The following TGFBR3 variants were observed in gnomAD, a reference collection of about 807,000 sequenced individuals.
The protein encoded by TGFBR3 is transforming growth factor beta receptor 3, also known as transforming growth factor beta receptor type 3.
Under a neutral mutation model 87.9 loss-of-function variants are expected in TGFBR3, and 46 were observed. The ratio of observed to expected loss-of-function variants is 0.52; its 90% CI spans 0.41 to 0.67. The LOEUF is 0.67. Ranked by LOEUF, TGFBR3 falls within the 30% of genes least tolerant of loss-of-function variation. TGFBR3 has a pLI of 0.00. For synonymous variants in TGFBR3, 381 were observed against 391.6 expected (o/e 0.97, Z 0.32); for missense variants, 866 against 1,041.9 (o/e 0.83, Z 2.32).
intron 2 of TGFBR3, among the ~76,000 whole-genome samples, chr1:91,839,153 T>G (rs189500507): frequency 4.6e-4 from 70 of 152,168 alleles, no homozygotes; most frequent in African/African-American, 1.7e-3. Flanking sequence ...AATGTTTTAG[T>G]TTTTCGTAGA....
chr1:91,854,263 C>T (rs765249181), intron 2 of TGFBR3, among the ~76,000 whole-genome samples: 8 of 152,122 alleles, frequency 5.3e-5, no homozygotes, highest in Admixed American at 1.3e-4. Context: ...CACTCACCTA[C>T]CCCTCTAGGA....
At chr1:91,784,380 AT>A (rs1047201452) in intron 3 of TGFBR3, among the ~76,000 whole-genome samples, 50 of 152,342 alleles carry the variant, frequency 3.3e-4, no homozygotes, top group African/African-American at 1.2e-3. Flanking sequence ...GTGCCATGCA[AT>A]AACCCAATTT....
chr1:91,788,007 A>C (rs574973123), intron 3 of TGFBR3, among the ~76,000 whole-genome samples: 1 of 152,080 alleles, frequency 6.6e-6, no homozygotes, highest in Non-Finnish European at 1.5e-5. Context: ...AAACAGATGG[A>C]ATGGTAGAAT....
chr1:91,793,225 C>T (rs4658270), intron 3 of TGFBR3, among the ~76,000 whole-genome samples: 36,695 of 152,122 alleles, frequency 0.24, 5,611 homozygotes, highest in Middle Eastern at 0.35. Flanking sequence ...AAAATCTCTC[C>T]CCAGCTGAAG....
At chr1:91,855,068 C>A (rs904034465) in intron 2 of TGFBR3, among the ~76,000 whole-genome samples, 2 of 152,148 alleles carry the variant, frequency 1.3e-5, no homozygotes, top group Non-Finnish European at 2.9e-5. Context: ...GCTTGCTCTC[C>A]CACAGACACA....
chr1:91,790,583 T>C (rs1675150842), intron 3 of TGFBR3, among the ~76,000 whole-genome samples: 1 of 152,246 alleles, frequency 6.6e-6, no homozygotes, highest in Non-Finnish European at 1.5e-5. Context: ...GCAGTGCTTA[T>C]ATGCGGAATG....
At chr1:91,828,346 G>C (rs1676723170) in intron 2 of TGFBR3, among the ~76,000 whole-genome samples, 1 of 152,142 alleles carries the variant, frequency 6.6e-6, no homozygotes, top group South Asian at 2.1e-4. Context: ...AAAAGAGTTT[G>C]CCAAATGGCA....
At chr1:91,695,423 C>T in intron 16 of TGFBR3, 1 of 481,738 alleles carries the variant, frequency 2.1e-6, no homozygotes, top group Non-Finnish European at 3.8e-6. Context: ...AACAAAGTAG[C>T]TTTATTAGCG....
intron 1 of TGFBR3, among the ~76,000 whole-genome samples, chr1:91,867,267 C>T (rs1345486278): frequency 6.6e-6 from 1 of 152,208 alleles, no homozygotes; most frequent in Admixed American, 6.5e-5. Flanking sequence ...TACTCTGGAA[C>T]CACCTGTACT....
In TGFBR3 at chr1:91,712,387, C is replaced by T; in HGVS notation, c.2022G>A (p.Val674=). 1 of 1,614,196 alleles carries T rather than the reference C, an allele frequency of 6.2e-7. No individual in the cohort carries two copies. Among genetic ancestry groups the T allele is most frequent in the Non-Finnish European group, 8.5e-7 (1 of 1,180,030 alleles). Residue 674 remains valine, a synonymous_variant, in exon 13 of 17, where the codon GTG becomes GTA. Transcript: ENST00000212355. ...ESVKFYSPKR[V]HFPIPQADMD... Reference sequence around the variant, plus strand: ...TGTCAGCTTGCGGGATAGGAAAGTGCACTCTCTTGGGACTGTAGAATTTCA... The same window carrying T: ...TGTCAGCTTGCGGGATAGGAAAGTGTACTCTCTTGGGACTGTAGAATTTCA...
chr1:91,892,515 A>G (rs1679471500), intron 2 of TGFBR3, among the ~76,000 whole-genome samples: 1 of 152,350 alleles, frequency 6.6e-6, no homozygotes, highest in Middle Eastern at 3.4e-3. Context: ...AATGTTTTGA[A>G]TCTCAGCCCA....
At chr1:91,685,354 G>T (rs1168518809) in intron 16 of TGFBR3, among the ~76,000 whole-genome samples, 19 of 123,548 alleles carry the variant, frequency 1.5e-4, no homozygotes, top group African/African-American at 6.1e-4. Context: ...ACGGAGTCTC[G>T]CTCTGTCCCC....
intron 3 of TGFBR3, among the ~76,000 whole-genome samples, chr1:91,792,629 C>A (rs1252912407): frequency 1.3e-5 from 2 of 152,140 alleles, no homozygotes; most frequent in Admixed American, 6.5e-5. Flanking sequence ...GCCATTCCAG[C>A]AACTAATGAA....
At chr1:91,719,235 A>C (rs1402395839) in intron 10 of TGFBR3, 77 bp downstream of exon 10, 5 of 1,602,222 alleles carry the variant, frequency 3.1e-6, no homozygotes, top group African/African-American at 1.3e-5. Flanking sequence ...TCTTCAAAGA[A>C]ATGTTAAGAC....
chr1:91,695,129 T>G (rs1394735793), intron 16 of TGFBR3, among the ~76,000 whole-genome samples: 1 of 150,474 alleles, frequency 6.6e-6, no homozygotes, highest in African/African-American at 2.4e-5. Flanking sequence ...TTTTTTTCAG[T>G]TCATGGAAAT....
chr1:91,838,116 T>C (rs775024497), intron 2 of TGFBR3, among the ~76,000 whole-genome samples: 21 of 152,142 alleles, frequency 1.4e-4, no homozygotes, highest in Non-Finnish European at 2.5e-4. Flanking sequence ...CTTGGTGGAG[T>C]CCTTCATTAA....
At chr1:91,687,322 C>T (rs1027633120) in intron 16 of TGFBR3, among the ~76,000 whole-genome samples, 1 of 151,956 alleles carries the variant, frequency 6.6e-6, no homozygotes, top group African/African-American at 2.4e-5. Flanking sequence ...AGAGAGAGAC[C>T]CTGTCTCTAC....
At chr1:91,703,877 G>C (rs1671704399) in intron 14 of TGFBR3, among the ~76,000 whole-genome samples, 1 of 152,162 alleles carries the variant, frequency 6.6e-6, no homozygotes, top group South Asian at 2.1e-4. Context: ...AACTTCTCCT[G>C]AACTTTAATA....
chr1:91,904,935 C>T (rs34636806), intron 1 of TGFBR3, among the ~76,000 whole-genome samples: 30,152 of 151,766 alleles, frequency 0.2, 3,757 homozygotes, highest in Non-Finnish European at 0.28. Flanking sequence ...CTCCTAACCT[C>T]GTGATCCGCC....
Sources: gnomAD v4.1 joint callset for allele counts (sites outside exome capture counted in the v4.1 genomes callset) on GRCh38, gnomAD v4.1.1 for gene constraint, MANE v1.5 for transcripts, NCBI Gene and HGNC (gene_info 2026-07-23, HGNC 2026-07-21) for gene names.